The following STAT4 variants were observed in gnomAD, a reference collection of about 807,000 sequenced individuals.
STAT4 encodes signal transducer and activator of transcription 4.
Under a neutral mutation model 110.5 loss-of-function variants are expected in STAT4, and 42 were observed. The ratio of observed to expected loss-of-function variants is 0.38; its 90% confidence interval spans 0.30 to 0.49. The LOEUF (loss-of-function observed/expected upper bound fraction) is 0.49, where lower values mean the gene tolerates loss of function less well. Among genes scored for constraint, STAT4 ranks in the 20% least tolerant of loss-of-function variants. The pLI, the probability that STAT4 is intolerant of heterozygous loss-of-function variation, is 0.95. For missense variants in STAT4, 632 were observed against 887.9 expected, an observed-to-expected ratio of 0.71 and a Z score of 3.66; for synonymous variants, 284 against 302.2, an observed-to-expected ratio of 0.94 and a Z score of 0.63.
chr2:191,103,471 C>T (rs114546165), intron 3 of STAT4, among the ~76,000 whole-genome samples: 1 of 152,062 alleles, frequency 6.6e-6, no homozygotes, highest in Non-Finnish European at 1.5e-5. Context: ...GTCCTTATTA[C>T]CAAAGTCAAG....
At chr2:191,054,268 G>A (rs2125206223) in intron 14 of STAT4, among the ~76,000 whole-genome samples, 1 of 152,086 alleles carries the variant, frequency 6.6e-6, no homozygotes, top group South Asian at 2.1e-4. Flanking sequence ...GATGTTAATA[G>A]TTATTTTCTT....
At position 191,077,870 on chromosome 2, in the gene STAT4, A is replaced by G. The variant is rs1574134849; in HGVS notation, c.274-1545T>C. ...GTCTCCAAATGAAAAAAACAAAAAT[A>G]AATTGACTGAAACTCAAAAGGTAAA... On this transcript the variant is annotated intron_variant, in intron 3 of 23. Coordinates refer to ENST00000392320, the MANE Select transcript of STAT4 (RefSeq NM_003151.4). The surrounding 1 kb of genome is among the most constrained non-coding windows in gnomAD (Gnocchi z 4.1). Among the ~76,000 whole-genome samples the G allele has an allele frequency of 1.3e-5, 2 of 152,154 alleles. No homozygotes were observed. Among genetic ancestry groups the G allele is most frequent in the African/African-American group, 4.8e-5 (2 of 41,436 alleles).
chr2:191,095,489 TG>T (rs1190076339), intron 3 of STAT4, among the ~76,000 whole-genome samples: 2 of 152,176 alleles, frequency 1.3e-5, no homozygotes, highest in African/African-American at 2.4e-5. Flanking sequence ...ACATGGAAAC[TG>T]AACAACATGC....
chr2:191,031,061 G>A lies in STAT4; in HGVS notation c.2131C>T (p.Pro711Ser), dbSNP rs2125134257. 1.9e-6 allele frequency: 3 copies of A among 1,613,954 alleles called. No individual in the cohort carries two copies. Among genetic ancestry groups the A allele is most frequent in the East Asian group, 2.2e-5 (1 of 44,884 alleles). Residue 711 changes from proline to serine, a missense_variant, in exon 23 of 24, where the codon CCA becomes TCA. By Grantham distance (74) the Pro-to-Ser change is moderately conservative (BLOSUM62 -1). This residue lies in a region of STAT4 where 32 missense variants were observed against 67.6 expected (regional missense o/e 0.47). Coordinates refer to ENST00000392320, the MANE Select transcript of STAT4 (RefSeq NM_003151.4). This position sits in a 1 kb window ranked among gnomAD's most constrained non-coding sequence, Gnocchi z 4.8. ...ISTIRSDSTE[P>S]HSPSDLLPMS... Reference sequence around the variant, plus strand: ...GGAAGAAGGTCTGATGGAGAATGTGGCTCTGTTGAATCACTTCGGCTTAAA... The same window carrying A: ...GGAAGAAGGTCTGATGGAGAATGTGACTCTGTTGAATCACTTCGGCTTAAA...
chr2:191,054,232 TAA>T (rs1477518689), intron 14 of STAT4, among the ~76,000 whole-genome samples: 1 of 132,142 alleles, frequency 7.6e-6, no homozygotes, highest in Non-Finnish European at 1.6e-5. Flanking sequence ...TATAGATAAA[TAA>T]AAGACTGGAA....
intron 4 of STAT4, among the ~76,000 whole-genome samples, chr2:191,074,044 A>T (rs1194862608): frequency 6.6e-6 from 1 of 152,202 alleles, no homozygotes; most frequent in Non-Finnish European, 1.5e-5. Context: ...AGAATTGGGG[A>T]TGTTGAATCT....
chr2:191,139,408 T>C (rs1303634475), intron 3 of STAT4, among the ~76,000 whole-genome samples: 1 of 152,172 alleles, frequency 6.6e-6, no homozygotes, highest in Non-Finnish European at 1.5e-5. Context: ...ACTCTCAGGA[T>C]ACGAAATCAA....
chr2:191,120,120 T>C (rs1327854744), intron 3 of STAT4, among the ~76,000 whole-genome samples: 1 of 152,160 alleles, frequency 6.6e-6, no homozygotes, highest in Non-Finnish European at 1.5e-5. Context: ...AAGAATGTTA[T>C]GATCTAAGGC....
intron 3 of STAT4, among the ~76,000 whole-genome samples, chr2:191,098,521 C>G (rs922262084): frequency 6.6e-6 from 1 of 152,102 alleles, no homozygotes; most frequent in East Asian, 1.9e-4. Flanking sequence ...GGACAGAAAA[C>G]CAAACACCAC....
intron 14 of STAT4, among the ~76,000 whole-genome samples, chr2:191,049,269 G>A (rs190260448): frequency 9.3e-5 from 14 of 150,384 alleles, no homozygotes; most frequent in Middle Eastern, 6.8e-3. Context: ...CTGCCTCCCG[G>A]GTTCATGCCA....
rs1040492527 is a variant in STAT4 at position 191,031,815 on chromosome 2, A to G, written c.2045-299T>C. 6.6e-6 allele frequency among the ~76,000 whole-genome samples: 1 copy of G among 152,194 alleles called. No homozygotes were observed. The highest frequency in any genetic ancestry group is 2.4e-5 in the African/African-American group (1 of 41,458). On this transcript the variant is annotated intron_variant, in intron 21 of 23. Coordinates refer to ENST00000392320, the MANE Select transcript of STAT4 (RefSeq NM_003151.4). This position sits in a 1 kb window ranked among gnomAD's most constrained non-coding sequence, Gnocchi z 4.8. ...CTCTATTACCTGTTTTCTACGTTTCATTTATGTTTGATTATAAGGACTGAT... is the reference window on the plus strand; with the variant it reads ...CTCTATTACCTGTTTTCTACGTTTCGTTTATGTTTGATTATAAGGACTGAT...
intron 3 of STAT4, among the ~76,000 whole-genome samples, chr2:191,097,476 A>C (rs1218547414): frequency 6.6e-6 from 1 of 152,114 alleles, no homozygotes; most frequent in Non-Finnish European, 1.5e-5. Flanking sequence ...CACATCTACA[A>C]CCATCTGATC....
Position 191,085,938 on chromosome 2 carries a change from A to G in STAT4, c.274-9613T>C, listed in dbSNP as rs571210587. 7.9e-5 allele frequency among the ~76,000 whole-genome samples: 12 copies of G among 152,240 alleles called. No individual in the cohort carries two copies. In the South Asian group the frequency reaches 2.5e-3, roughly 32 times the overall value. ...AGAAAACCTTTTTTTCATTTGAACT[A>G]TTTACAGCTTTTAACAACTGAGTAA... On this transcript the variant is annotated intron_variant, in intron 3 of 23. Coordinates refer to ENST00000392320, the MANE Select transcript of STAT4 (RefSeq NM_003151.4).
At chr2:191,127,120 GA>G (rs1008652884) in intron 3 of STAT4, among the ~76,000 whole-genome samples, 40 of 147,334 alleles carry the variant, frequency 2.7e-4, no homozygotes, top group Non-Finnish European at 3.6e-4. Context: ...GTTAGAATGA[GA>G]AAAAAAAAAC....
rs1046789996 is a variant in STAT4 at position 191,144,652 on chromosome 2, T to C, written c.273+1961A>G. On this transcript the variant is annotated intron_variant, in intron 3 of 23. Transcript: ENST00000392320. The surrounding 1 kb of genome is among the most constrained non-coding windows in gnomAD (Gnocchi z 4.7). ...AATAGAAGTGATGGTTTAACAAGGT[T>C]CGTCTGATACAACTGGCCAGAGGAG... Among the ~76,000 whole-genome samples the C allele has an allele frequency of 6.7e-6, 1 of 149,538 alleles. No homozygotes were observed. Among genetic ancestry groups the C allele is most frequent in the African/African-American group, 2.4e-5 (1 of 41,386 alleles).
chr2:191,148,214 A>C lies in STAT4; in HGVS notation c.-1-10T>G, dbSNP rs2125463293. ...ATTCCACTGAGACATGCTATAAAAG[A>C]AGGTGTAGAATTAGAGTTTTAAAAT... On this transcript the variant is annotated splice_polypyrimidine_tract_variant and intron_variant, in intron 1 of 23. Coordinates refer to ENST00000392320, the MANE Select transcript of STAT4 (RefSeq NM_003151.4). 1 of 1,612,614 alleles carries C rather than the reference A, an allele frequency of 6.2e-7. No homozygotes were observed. Among genetic ancestry groups the C allele is most frequent in the East Asian group, 2.2e-5 (1 of 44,816 alleles).
In STAT4 at chr2:191,050,626, G is replaced by A. The variant is rs1334561225; in HGVS notation, c.1251+3864C>T. ...TTGACCTTGGTACATATTCTTGAAA[G>A]TAAACTTCCCACCAGAGTTTCCATC... On this transcript the variant is annotated intron_variant, in intron 14 of 23. Transcript: ENST00000392320. This position sits in a 1 kb window ranked among gnomAD's most constrained non-coding sequence, Gnocchi z 4.3. Among the ~76,000 whole-genome samples the A allele has an allele frequency of 6.6e-6, 1 of 151,636 alleles. No individual in the cohort carries two copies. Among genetic ancestry groups the A allele is most frequent in the Non-Finnish European group, 1.5e-5 (1 of 67,932 alleles).
chr2:191,069,966 C>T (rs942933008), intron 5 of STAT4, among the ~76,000 whole-genome samples, 195 bp from the exon 6 acceptor site: 4 of 152,182 alleles, frequency 2.6e-5, no homozygotes, highest in African/African-American at 9.7e-5. Context: ...ATTGAACTTG[C>T]CCTTCCAGCT....
intron 3 of STAT4, among the ~76,000 whole-genome samples, chr2:191,089,112 G>T (rs886284981): frequency 2.0e-5 from 3 of 152,144 alleles, no homozygotes; most frequent in African/African-American, 7.2e-5. Context: ...CTCTGTGAAA[G>T]ACACTGTTAA....
Sources: allele counts gnomAD v4.1 joint callset (sites outside exome capture counted in the v4.1 genomes callset), GRCh38; gene constraint gnomAD v4.1.1; regional missense constraint gnomAD v4.1.1; non-coding constraint Gnocchi (gnomAD v3.1); transcripts MANE v1.5; gene names NCBI Gene and HGNC (gene_info 2026-07-23, HGNC 2026-07-21).